Variants in SLC8A1 observed in about 807,000 individuals in gnomAD.
The protein encoded by SLC8A1 is solute carrier family 8 member A1, also known as sodium/calcium exchanger 1.
Under a neutral mutation model 68.3 loss-of-function variants are expected in SLC8A1, and 18 were observed. The observed-to-expected ratio is 0.26, with a 90% CI of 0.18 to 0.39. The LOEUF (loss-of-function observed/expected upper bound fraction) is 0.39. SLC8A1 is among the 10% of genes least tolerant of loss of function. SLC8A1 has a pLI of 1.00. For synonymous variants in SLC8A1, 475 were observed against 415.5 expected (o/e 1.14, Z -1.74); for missense variants, 985 against 1,156.7 (o/e 0.85, Z 2.15).
intron 6 of SLC8A1, among the ~76,000 whole-genome samples, chr2:40,159,426 G>A (rs1027202573): frequency 6.6e-6 from 1 of 152,128 alleles, no homozygotes; most frequent in Non-Finnish European, 1.5e-5. Context: ...ATTAGAAATG[G>A]TTCAGTATAA....
exon 8 of SLC8A1, chr2:40,115,110 G>T: frequency 1.8e-6 from 1 of 549,066 alleles, no homozygotes; most frequent in Non-Finnish European, 2.8e-6. Context: ...TTTTACTTCG[G>T]CCCTAGTACA....
chr2:40,382,863 CTACCAGGAATATAAGA>C (rs1389246327), intron 2 of SLC8A1, among the ~76,000 whole-genome samples: 3 of 152,038 alleles, frequency 2.0e-5, no homozygotes, highest in Admixed American at 1.3e-4. Flanking sequence ...TTTTGATTAA[CTACCAGGAATATAAGA>C]GGGATTCTAT....
At chr2:40,143,254 C>T (rs1436864903) in intron 6 of SLC8A1, among the ~76,000 whole-genome samples, 2 of 152,184 alleles carry the variant, frequency 1.3e-5, no homozygotes, top group Non-Finnish European at 2.9e-5. Context: ...GTTCATCCAT[C>T]ACCATCTGGA....
rs533157450 is a variant in SLC8A1, at chr2:40,241,089, G to C, written c.1809-63234C>G. On this transcript the variant is annotated intron_variant, in intron 2 of 7. Coordinates refer to ENST00000406785, the Ensembl canonical transcript of SLC8A1. ...TGCCATTCACAATAGCAAAGGCATG[G>C]AATCAAGTCAGGTGCCCATCAACAG... Among the ~76,000 whole-genome samples the C allele has an allele frequency of 5.3e-5, 8 of 152,254 alleles. No individual in the cohort carries two copies. In the South Asian group the frequency reaches 1.2e-3, roughly 24 times the overall value.
Position 40,209,666 on chromosome 2 carries a change from T to C in SLC8A1, c.1809-31811A>G, listed in dbSNP as rs1440378407. Among the ~76,000 whole-genome samples the C allele has an allele frequency of 3.3e-5, 5 of 152,112 alleles. No individual in the cohort carries two copies. In the East Asian group the frequency reaches 5.8e-4, roughly 18 times the overall value. On this transcript the variant is annotated intron_variant, in intron 2 of 7. Transcript: ENST00000406785. ...AGGATGATGGTGCCTCAGGACAGGA[T>C]AGTAACACTTAGGAAGACAGAGTAT...
At chr2:40,499,637 G>C (rs910119361) in intron 1 of SLC8A1, among the ~76,000 whole-genome samples, 6 of 151,996 alleles carry the variant, frequency 3.9e-5, no homozygotes, top group African/African-American at 1.4e-4. Flanking sequence ...CAGAGTTTAT[G>C]GGGGGAGCCA....
chr2:40,352,609 T>C (rs902784006), intron 2 of SLC8A1, among the ~76,000 whole-genome samples: 4 of 152,178 alleles, frequency 2.6e-5, no homozygotes, highest in Admixed American at 2.0e-4. Flanking sequence ...ATTTTGGCTA[T>C]AGGCAAAGAG....
At chr2:40,174,653 A>C in intron 4 of SLC8A1, 53 bp downstream of exon 6, 1 of 1,415,472 alleles carries the variant, frequency 7.1e-7, no homozygotes, top group South Asian at 1.2e-5. Flanking sequence ...GTTTGGATTG[A>C]TGGTTAAGGG....
intron 2 of SLC8A1, among the ~76,000 whole-genome samples, chr2:40,271,553 A>T (rs1290681520): frequency 6.6e-6 from 1 of 152,060 alleles, no homozygotes; most frequent in African/African-American, 2.4e-5. Context: ...TACATTATAC[A>T]TTGATTTGTT....
At chr2:40,418,278 CATTAT>C (rs1300264535) in intron 2 of SLC8A1, among the ~76,000 whole-genome samples, 137 of 152,206 alleles carry the variant, frequency 9.0e-4, no homozygotes, top group Middle Eastern at 3.4e-3. Flanking sequence ...TATTACATTA[CATTAT>C]ATTAATATTA....
At chr2:40,191,957 C>G (rs556309901) in intron 2 of SLC8A1, among the ~76,000 whole-genome samples, 2 of 152,212 alleles carry the variant, frequency 1.3e-5, no homozygotes, top group Middle Eastern at 3.4e-3. Context: ...AGAGGACCTA[C>G]GGGATCTAGA....
intron 1 of SLC8A1, among the ~76,000 whole-genome samples, chr2:40,457,254 G>A (rs1365151535): frequency 6.6e-6 from 1 of 152,118 alleles, no homozygotes; most frequent in Non-Finnish European, 1.5e-5. Context: ...ATCAAATAGG[G>A]GCTCAAGATA....
In SLC8A1 at chr2:40,387,149, ATC is replaced by A. The variant is rs199580314; in HGVS notation, c.1808+41322_1808+41323del. 2.6e-5 allele frequency among the ~76,000 whole-genome samples: 4 copies of A among 151,510 alleles called. No individual in the cohort carries two copies. In the East Asian group the frequency reaches 7.8e-4, roughly 29 times the overall value. ...CATTGGACCTCAGAATTCAACCTCC[ATC>A]TCTGTCTTTCTTTCCTTGTATTTTA... On this transcript the variant is annotated intron_variant, in intron 2 of 7. Transcript: ENST00000406785.
chr2:40,250,238 A>C (rs1274817433), intron 2 of SLC8A1: 1 of 152,226 alleles, frequency 6.6e-6, no homozygotes, highest in Non-Finnish European at 1.5e-5. Flanking sequence ...TTTGGAATTA[A>C]GCTGAGTTAA....
At chr2:40,485,618 C>T (rs574183372) in intron 1 of SLC8A1, among the ~76,000 whole-genome samples, 1 of 152,056 alleles carries the variant, frequency 6.6e-6, no homozygotes, top group Non-Finnish European at 1.5e-5. Context: ...GGTCATTTTG[C>T]TCTGATTTCT....
At chr2:40,196,800 T>G (rs899528790) in intron 2 of SLC8A1, among the ~76,000 whole-genome samples, 1 of 152,064 alleles carries the variant, frequency 6.6e-6, no homozygotes, top group East Asian at 1.9e-4. Context: ...CTTAGATTGA[T>G]CAGGTGTCAT....
At chr2:40,453,512 GC>G (rs1339706517), upstream of SLC8A1, 15 of 152,308 alleles carry the variant, frequency 9.8e-5, no homozygotes, top group African/African-American at 3.6e-4. Flanking sequence ...AGCCTCTTCT[GC>G]CCCTGTGCCA....
intron 2 of SLC8A1, among the ~76,000 whole-genome samples, chr2:40,256,310 G>C (rs1049816117): frequency 3.9e-5 from 6 of 152,156 alleles, no homozygotes; most frequent in Non-Finnish European, 8.8e-5. Flanking sequence ...CGGCTGCCTG[G>C]ATTCTAATGG....
chr2:40,187,555 C>G (rs2050921635), intron 2 of SLC8A1, among the ~76,000 whole-genome samples: 1 of 152,196 alleles, frequency 6.6e-6, no homozygotes. Context: ...CCCTATTTTA[C>G]TTTCCTCTGC....
Sources: allele counts gnomAD v4.1 joint callset (sites outside exome capture counted in the v4.1 genomes callset), GRCh38; gene constraint gnomAD v4.1.1; transcripts MANE v1.5; gene names NCBI Gene and HGNC (gene_info 2026-07-23, HGNC 2026-07-21).